The following TAS2R1 variants were observed in gnomAD, a reference collection of about 807,000 sequenced individuals.
TAS2R1 encodes the protein taste 2 receptor member 1.
For synonymous variants in TAS2R1, 141 were observed against 134.2 expected, an observed-to-expected ratio of 1.05 and a Z score of -0.35; for missense variants, 370 against 353.4, an observed-to-expected ratio of 1.05 and a Z score of -0.38.
At chr5:9,736,496 A>G in the TAS2R1 span, among the ~76,000 whole-genome samples, 2 of 152,092 alleles carry the variant, frequency 1.3e-5, no homozygotes, top group Non-Finnish European at 2.9e-5. Context: ...TGTAGATGAC[A>G]TTTCAGTTTC....
chr5:9,874,383 A>C, the TAS2R1 span, among the ~76,000 whole-genome samples: 1 of 152,212 alleles, frequency 6.6e-6, no homozygotes, highest in African/African-American at 2.4e-5. Flanking sequence ...GATGTTAGCA[A>C]TCAGGAAAAA....
the TAS2R1 span, among the ~76,000 whole-genome samples, chr5:9,831,892 C>A: frequency 6.6e-6 from 1 of 152,160 alleles, no homozygotes; most frequent in African/African-American, 2.4e-5. Flanking sequence ...AGAGAGCCCA[C>A]TGAATCACTT....
the TAS2R1 span, among the ~76,000 whole-genome samples, chr5:9,799,213 C>G: frequency 0.21 from 31,200 of 152,192 alleles, 3,766 homozygotes; most frequent in Middle Eastern, 0.31. Context: ...AATTAAGGGG[C>G]CACCCTAGTT....
upstream of TAS2R1, among the ~76,000 whole-genome samples, chr5:9,634,584 G>A (rs150761043): frequency 4.0e-4 from 61 of 152,148 alleles, 1 homozygote. Context: ...ATGAGCATGG[G>A]ATGTGTTTCC....
At chr5:9,760,259 C>T in the TAS2R1 span, among the ~76,000 whole-genome samples, 1 of 152,138 alleles carries the variant, frequency 6.6e-6, no homozygotes. Flanking sequence ...GTGAATTCTA[C>T]CAAACATTTA....
chr5:9,682,209 C>T (rs1193235158), intron 1 of TAS2R1, among the ~76,000 whole-genome samples: 1 of 152,142 alleles, frequency 6.6e-6, no homozygotes. Flanking sequence ...AACTGAGAGA[C>T]AGTCAAGGGT....
At chr5:9,796,038 A>C in the TAS2R1 span, among the ~76,000 whole-genome samples, 1 of 152,314 alleles carries the variant, frequency 6.6e-6, no homozygotes, top group East Asian at 1.9e-4. Context: ...AACCCCAATG[A>C]AGATGGCAGG....
chr5:9,746,081 C>G, the TAS2R1 span, among the ~76,000 whole-genome samples: 1 of 152,004 alleles, frequency 6.6e-6, no homozygotes, highest in East Asian at 1.9e-4. Flanking sequence ...GAAAAAAAAC[C>G]AACCCCATCG....
the TAS2R1 span, among the ~76,000 whole-genome samples, chr5:9,789,497 T>C: frequency 6.6e-6 from 1 of 152,190 alleles, no homozygotes; most frequent in Admixed American, 6.5e-5. Context: ...GTGGAGCCAA[T>C]TACAACGTTG....
chr5:9,780,004 G>T, the TAS2R1 span, among the ~76,000 whole-genome samples: 15 of 152,172 alleles, frequency 9.9e-5, no homozygotes, highest in Non-Finnish European at 1.9e-4. Context: ...TCTGTGAAAG[G>T]CCAATCTTTC....
the TAS2R1 span, among the ~76,000 whole-genome samples, chr5:9,793,739 T>A: frequency 6.6e-6 from 1 of 152,170 alleles, no homozygotes; most frequent in South Asian, 2.1e-4. Flanking sequence ...TGAGAAGCTG[T>A]GAATTATTAG....
the TAS2R1 span, among the ~76,000 whole-genome samples, chr5:9,872,341 G>C: frequency 6.6e-6 from 1 of 152,140 alleles, no homozygotes; most frequent in East Asian, 1.9e-4. Context: ...CTCCAGAGCA[G>C]TTCACACCAA....
the TAS2R1 span, among the ~76,000 whole-genome samples, chr5:9,828,266 C>T: frequency 1.3e-5 from 2 of 152,262 alleles, no homozygotes; most frequent in South Asian, 4.2e-4. Flanking sequence ...GCTGAGATTA[C>T]AGGCATCCAC....
chr5:9,722,124 T>C, the TAS2R1 span, among the ~76,000 whole-genome samples: 3 of 152,226 alleles, frequency 2.0e-5, no homozygotes, highest in South Asian at 2.1e-4. Context: ...GAACTGATGA[T>C]GATGATGGTC....
chr5:9,704,221 T>G (rs1741553225), intron 1 of TAS2R1, among the ~76,000 whole-genome samples: 1 of 152,182 alleles, frequency 6.6e-6, no homozygotes, highest in Non-Finnish European at 1.5e-5. Context: ...TAAGAGTACC[T>G]TAATTTTTGT....
chr5:9,760,443 C>T, the TAS2R1 span, among the ~76,000 whole-genome samples: 1 of 152,118 alleles, frequency 6.6e-6, no homozygotes, highest in Non-Finnish European at 1.5e-5. Flanking sequence ...TAAAAACCCT[C>T]AACAGAATAT....
At chr5:9,817,213 C>T in the TAS2R1 span, among the ~76,000 whole-genome samples, 151 of 152,298 alleles carry the variant, frequency 9.9e-4, no homozygotes, top group African/African-American at 3.5e-3. Flanking sequence ...TCTGTAAAAA[C>T]ATCTTCTCCT....
intron 2 of TAS2R1, among the ~76,000 whole-genome samples, chr5:9,637,702 T>C (rs977774013): frequency 6.6e-6 from 1 of 152,186 alleles, no homozygotes; most frequent in Non-Finnish European, 1.5e-5. Flanking sequence ...TTCTTTCTTC[T>C]ACTTGTTCTG....
At chr5:9,886,331 AT>A in the TAS2R1 span, among the ~76,000 whole-genome samples, 3,634 of 98,016 alleles carry the variant, frequency 0.037, 44 homozygotes, top group African/African-American at 0.08. Flanking sequence ...TGCGCCCAGC[AT>A]TTTTTTTTTT....
Sources: allele counts gnomAD v4.1 joint callset (sites outside exome capture counted in the v4.1 genomes callset), GRCh38; gene constraint gnomAD v4.1.1; transcripts MANE v1.5; gene names NCBI Gene and HGNC (gene_info 2026-07-23, HGNC 2026-07-21).